CRYBG1: variants seen among roughly 807,000 people sequenced by gnomAD.
CRYBG1 encodes crystallin beta-gamma domain containing 1, also known as beta/gamma crystallin domain-containing protein 1.
In CRYBG1, 139 loss-of-function variants were observed where a neutral mutation model predicts 189.2. That is an observed-to-expected ratio of 0.73 (90% CI 0.64 to 0.85). CRYBG1 has a LOEUF of 0.85. CRYBG1 is among the 40% of genes least tolerant of loss of function. The pLI is 0.00. For missense variants in CRYBG1, 2,611 were observed against 2,675.8 expected (o/e 0.98, Z 0.53); for synonymous variants, 1,023 against 1,017.1 (o/e 1.01, Z -0.11).
chr6:106,408,362 G>A (rs1226640842), intron 1 of CRYBG1, among the ~76,000 whole-genome samples: 3 of 152,184 alleles, frequency 2.0e-5, no homozygotes, highest in African/African-American at 7.2e-5. Flanking sequence ...AACAAGTTCT[G>A]AAATTGAGGC....
At chr6:106,412,270 T>C (rs940828156) in intron 1 of CRYBG1, among the ~76,000 whole-genome samples, 1 of 152,260 alleles carries the variant, frequency 6.6e-6, no homozygotes, top group Non-Finnish European at 1.5e-5. Flanking sequence ...TTGTTCCCAA[T>C]ACTACATCAG....
chr6:106,497,947 T>G (rs28478361), intron 2 of CRYBG1, among the ~76,000 whole-genome samples: 1 of 151,456 alleles, frequency 6.6e-6, no homozygotes, highest in East Asian at 1.9e-4. Flanking sequence ...AAAAAAAAAT[T>G]AAAAATAGCT....
chr6:106,378,197 C>T (rs1360278898), intron 1 of CRYBG1, among the ~76,000 whole-genome samples: 3 of 152,214 alleles, frequency 2.0e-5, no homozygotes, highest in South Asian at 2.1e-4. Context: ...CTGTGGTCTT[C>T]CCACAGGTGA....
Position 106,479,445 on chromosome 6 carries a change from A to T in CRYBG1, c.312+27613A>T, listed in dbSNP as rs570915496. ...ATAAGAATTTTGGAGTGACACAAAC[A>T]TTAGCTCATAAAACTGGATCGTATG... is the stretch of plus-strand genomic sequence containing the variant. On this transcript the variant is annotated intron_variant, in intron 2 of 21. Coordinates refer to ENST00000633556, the MANE Select transcript of CRYBG1 (RefSeq NM_001371242.2). Among the ~76,000 whole-genome samples the T allele has an allele frequency of 2.6e-5, 4 of 152,202 alleles. No individual in the cohort carries two copies. In the South Asian group the frequency reaches 8.3e-4, roughly 31 times the overall value.
intron 4 of CRYBG1, among the ~76,000 whole-genome samples, chr6:106,521,709 A>ATTTT (rs1430149241): frequency 3.9e-4 from 32 of 82,250 alleles, no homozygotes; most frequent in Admixed American, 9.8e-4. Context: ...AAGGCACATG[A>ATTTT]TCTTTTTTTT....
chr6:106,480,557 C>T (rs1369339051), intron 2 of CRYBG1, among the ~76,000 whole-genome samples: 1 of 151,652 alleles, frequency 6.6e-6, no homozygotes, highest in East Asian at 1.9e-4. Flanking sequence ...GTCCCAGCTA[C>T]TTAGCAGGCT....
At chr6:106,495,000 A>T (rs1388866493) in intron 2 of CRYBG1, among the ~76,000 whole-genome samples, 1 of 152,178 alleles carries the variant, frequency 6.6e-6, no homozygotes, top group Non-Finnish European at 1.5e-5. Context: ...ATAATCCTAT[A>T]ATCAGGTTTT....
In CRYBG1 at chr6:106,520,105, G is replaced by C; in HGVS notation, c.2897G>C (p.Ser966Thr). Residue 966 changes from serine (S) to threonine (T), a missense_variant, in exon 4 of 22, where the codon AGC becomes ACC. Ser to Thr is a moderately conservative substitution (Grantham distance 58). Coordinates refer to ENST00000633556, the MANE Select transcript of CRYBG1 (RefSeq NM_001371242.2). ...QVRSFVLPVE[S>T]TQDVSSQVIP... The stretch of plus-strand genomic sequence containing the variant: ...AGGTCCTTCGTGCTCCCCGTGGAGA[G>C]CACCCAGGATGTGAGCTCCCAGGTC... 1.2e-6 allele frequency: 2 copies of C among 1,614,110 alleles called. No individual in the cohort carries two copies. The highest frequency in any genetic ancestry group is 1.7e-6 in the Non-Finnish European group (2 of 1,180,022).
intron 9 of CRYBG1, 75 bp from the exon 10 acceptor site, chr6:106,541,511 T>C: frequency 1.5e-6 from 2 of 1,379,150 alleles, no homozygotes; most frequent in Non-Finnish European, 2.1e-6. Context: ...TGTTTTACTG[T>C]AAACTGCTAT....
intron 3 of CRYBG1, among the ~76,000 whole-genome samples, chr6:106,517,545 C>T (rs1245280145): frequency 6.6e-6 from 1 of 151,160 alleles, no homozygotes; most frequent in Non-Finnish European, 1.5e-5. Flanking sequence ...GGAATCCTTT[C>T]TTCTAAGAAA....
At chr6:106,499,640 A>G (rs1182896565) in intron 2 of CRYBG1, among the ~76,000 whole-genome samples, 1 of 152,192 alleles carries the variant, frequency 6.6e-6, no homozygotes, top group Non-Finnish European at 1.5e-5. Context: ...CCAGAAAATT[A>G]ACATATCCAT....
rs1261621415 is a variant in CRYBG1, at chr6:106,512,756, G to C, written c.1639G>C (p.Asp547His). The C allele has an allele frequency of 2.5e-6, 4 of 1,573,838 alleles. No individual in the cohort carries two copies. The East Asian group carries it at 9.3e-5, about 37-fold the overall frequency. ...GGAGTCCCCACCCAAGAGGGTGCCC[G>C]ATCCCAGCCCAGTCACCAAGGGCAC... Reference protein sequence around the residue: ...AKESPPKRVPDPSPVTKGTAA... With the variant: ...AKESPPKRVPHPSPVTKGTAA... The change falls in exon 3 of 22, where the codon GAT becomes CAT. Residue 547 changes from aspartate (D) to histidine (H), a missense_variant. Physicochemically the swap from Asp to His is moderately conservative, Grantham distance 81. Transcript: ENST00000633556.
intron 1 of CRYBG1, among the ~76,000 whole-genome samples, chr6:106,443,789 AT>A (rs1771608453): frequency 6.6e-6 from 1 of 152,186 alleles, no homozygotes; most frequent in African/African-American, 2.4e-5. Context: ...TGATACAGGC[AT>A]ATAATGTGTA....
At chr6:106,439,680 A>G (rs1368397844) in intron 1 of CRYBG1, among the ~76,000 whole-genome samples, 1 of 152,112 alleles carries the variant, frequency 6.6e-6, no homozygotes, top group Non-Finnish European at 1.5e-5. Flanking sequence ...CTCTCTCTGT[A>G]CTGGAAGCCT....
intron 1 of CRYBG1, among the ~76,000 whole-genome samples, chr6:106,402,046 A>G (rs1770729916): frequency 1.5e-5 from 2 of 133,068 alleles, no homozygotes; most frequent in African/African-American, 5.8e-5. Flanking sequence ...TCCCATTCAC[A>G]ATTGCTTCAA....
intron 1 of CRYBG1, among the ~76,000 whole-genome samples, chr6:106,428,920 G>C (rs2114400558): frequency 6.6e-6 from 1 of 152,288 alleles, no homozygotes; most frequent in South Asian, 2.1e-4. Context: ...CTTTTTATCA[G>C]ATAAACCAGA....
Sources: gnomAD v4.1 joint callset for allele counts (sites outside exome capture counted in the v4.1 genomes callset) on GRCh38, gnomAD v4.1.1 for gene constraint, MANE v1.5 for transcripts, NCBI Gene and HGNC (gene_info 2026-07-23, HGNC 2026-07-21) for gene names.